COL4A1: variants seen among roughly 807,000 people sequenced by gnomAD.
The protein encoded by COL4A1 is collagen type IV alpha 1 chain.
In COL4A1, 40 loss-of-function variants were observed where a neutral mutation model predicts 216.6. The ratio of observed to expected loss-of-function variants is 0.18; its 90% CI spans 0.14 to 0.24. COL4A1 has a LOEUF of 0.24. Among genes scored for constraint, COL4A1 ranks in the 10% least tolerant of loss-of-function variants. The probability of loss-of-function intolerance (pLI) is 1.00; values close to 1 mark genes in which losing one functional copy is unlikely to be tolerated. For synonymous variants in COL4A1, 839 were observed against 810.7 expected, an observed-to-expected ratio of 1.03 and a Z score of -0.59; for missense variants, 1,628 against 2,196.8, an observed-to-expected ratio of 0.74 and a Z score of 5.18.
Position 110,176,985 on chromosome 13 carries a change from T to C in COL4A1, c.2769A>G (p.Lys923=). 3 of 1,614,100 alleles carry C rather than the reference T, an allele frequency of 1.9e-6. No homozygotes were observed. The highest frequency in any genetic ancestry group is 2.5e-6 in the Non-Finnish European group (3 of 1,180,018). ...SSGPRGDPGL[K]GDKGDVGLPG... ...GGAGACCGACATCCCCCTTATCACC[T>C]TTCAAGCCAGGGTCTCCCCTGGGTC... The change falls in exon 34 of 52, where the codon AAA becomes AAG. Residue 923 remains lysine (K), a synonymous_variant. Coordinates refer to ENST00000375820, the MANE Select transcript of COL4A1 (RefSeq NM_001845.6).
intron 1 of COL4A1, among the ~76,000 whole-genome samples, chr13:110,245,014 C>T (rs1176947863): frequency 4.6e-5 from 7 of 152,110 alleles, no homozygotes; most frequent in Admixed American, 3.9e-4. Context: ...TCTAAGCAAC[C>T]TTAAGTAACA....
intron 24 of COL4A1, among the ~76,000 whole-genome samples, chr13:110,187,848 A>C (rs761636344): frequency 3.9e-5 from 6 of 152,218 alleles, no homozygotes; most frequent in Non-Finnish European, 8.8e-5. Flanking sequence ...CCTCCTGGCC[A>C]GTGCTGAATA....
intron 1 of COL4A1, among the ~76,000 whole-genome samples, chr13:110,248,897 C>T (rs535535160): frequency 1.8e-4 from 28 of 152,240 alleles, no homozygotes; most frequent in Non-Finnish European, 2.1e-4. Context: ...ACACTTTTTT[C>T]GGATAGCGAA....
intron 2 of COL4A1, among the ~76,000 whole-genome samples, chr13:110,235,699 CAAG>C (rs1464253403): frequency 6.7e-6 from 1 of 149,304 alleles, no homozygotes; most frequent in Non-Finnish European, 1.5e-5. Flanking sequence ...GATAATCATA[CAAG>C]AAGGTAATTA....
rs557486949 is a variant in COL4A1, at chr13:110,200,179, C to T, written c.1120+675G>A. Among the ~76,000 whole-genome samples, 34 of 152,398 alleles carry T rather than the reference C, an allele frequency of 2.2e-4. No homozygotes were observed. In the South Asian group the frequency reaches 7.0e-3, roughly 32 times the overall value. ...AGGGCACGTGAGCGTTTCCATCAGA[C>T]GCTTATCGGGTCAGCTCTGGGACCT... On this transcript the variant is annotated intron_variant, in intron 20 of 51. Transcript: ENST00000375820.
intron 1 of COL4A1, among the ~76,000 whole-genome samples, chr13:110,273,612 G>C (rs184465921): frequency 7.2e-5 from 11 of 152,224 alleles, no homozygotes; most frequent in African/African-American, 2.6e-4. Context: ...ATTGTTTATG[G>C]CAACTGAATA....
intron 2 of COL4A1, among the ~76,000 whole-genome samples, chr13:110,219,540 G>C (rs911345155): frequency 6.6e-6 from 1 of 151,612 alleles, no homozygotes; most frequent in Non-Finnish European, 1.5e-5. Flanking sequence ...AATGTGTGCA[G>C]TGGCCCTCCA....
intron 1 of COL4A1, among the ~76,000 whole-genome samples, chr13:110,261,341 T>C (rs941677277): frequency 3.9e-5 from 6 of 152,176 alleles, no homozygotes; most frequent in African/African-American, 1.4e-4. Context: ...CAATTTTGGA[T>C]TCTCTCAAAA....
chr13:110,281,456 A>C (rs1204021128), intron 1 of COL4A1, among the ~76,000 whole-genome samples: 1 of 152,220 alleles, frequency 6.6e-6, no homozygotes. Flanking sequence ...AAAAACAGCC[A>C]GATCATTCAC....
Position 110,306,938 on chromosome 13 carries a change from A to G in COL4A1, c.84+6T>C, listed in dbSNP as rs1884755174. The G allele has an allele frequency of 6.8e-7, 1 of 1,469,754 alleles. No individual in the cohort carries two copies. The highest frequency in any genetic ancestry group is 9.0e-7 in the Non-Finnish European group (1 of 1,115,076). 91.0% of individuals were successfully genotyped at this position (1,469,754 alleles called of 1,614,324 possible). ...ACGCCGGGAGCGGAGCTGGCCGGGA[A>G]CTCACCTTCGCAGCGGCCCGGCTGT... On this transcript the variant is annotated splice_donor_region_variant and intron_variant, in intron 1 of 51. Transcript: ENST00000375820.
Position 110,205,383 on chromosome 13 carries a change from G to A in COL4A1, c.927C>T (p.Tyr309=), listed in dbSNP as rs376508424. ...GGCCCTGGCGGCCTATGAGTCCTGG[G>A]TACCCGGGTTCACCAGGAAAACCCT... The part of the protein sequence containing the change: ...GSPGFPGEPG[Y]PGLIGRQGPQ... The change falls in exon 17 of 52, where the codon TAC becomes TAT. Residue 309 remains tyrosine (Y), a synonymous_variant. Coordinates refer to ENST00000375820, the MANE Select transcript of COL4A1 (RefSeq NM_001845.6). The A allele has an allele frequency of 6.2e-7, 1 of 1,614,114 alleles. No homozygotes were observed. Among genetic ancestry groups the A allele is most frequent in the African/African-American group, 1.3e-5 (1 of 74,986 alleles).
At chr13:110,188,825 G>A (rs1055771038) in intron 24 of COL4A1, among the ~76,000 whole-genome samples, 6 of 152,110 alleles carry the variant, frequency 3.9e-5, no homozygotes, top group East Asian at 1.9e-4. Context: ...CTGAAACATC[G>A]CAGGCTAAGG....
chr13:110,257,149 C>T (rs1047388400), intron 1 of COL4A1, among the ~76,000 whole-genome samples: 3 of 152,220 alleles, frequency 2.0e-5, no homozygotes, highest in Non-Finnish European at 4.4e-5. Flanking sequence ...TTGAAAACAT[C>T]ACCTTCTAAG....
At chr13:110,179,868 G>C (rs1878067678) in intron 29 of COL4A1, among the ~76,000 whole-genome samples, 1 of 152,134 alleles carries the variant, frequency 6.6e-6, no homozygotes, top group Admixed American at 6.5e-5. Flanking sequence ...TAGTTTTTTG[G>C]ATTAATGAAG....
intron 1 of COL4A1, among the ~76,000 whole-genome samples, chr13:110,249,340 C>T (rs988407891): frequency 6.6e-6 from 1 of 151,880 alleles, no homozygotes; most frequent in Non-Finnish European, 1.5e-5. Flanking sequence ...CAATAAAATT[C>T]GAGAAAAAGG....
intron 32 of COL4A1, 55 bp from the exon 33 acceptor site, chr13:110,177,986 A>T: frequency 9.3e-6 from 15 of 1,613,986 alleles, no homozygotes; most frequent in Non-Finnish European, 1.2e-5. Context: ...GCTGACAGTA[A>T]ATGCTGAGTC....
intron 1 of COL4A1, among the ~76,000 whole-genome samples, chr13:110,276,587 T>C (rs574622003): frequency 3.8e-4 from 58 of 152,180 alleles, no homozygotes; most frequent in Non-Finnish European, 1.9e-4. Flanking sequence ...ATAATTAATT[T>C]CTCAGTATCA....
At chr13:110,192,080 G>A in intron 24 of COL4A1, 134 bp downstream of exon 24, 1 of 869,708 alleles carries the variant, frequency 1.1e-6, no homozygotes. Context: ...CACTCCAGAG[G>A]GCTCGACACA....
chr13:110,175,205 G>C lies in COL4A1; in HGVS notation c.3198+13C>G. On this transcript the variant is annotated intron_variant, in intron 37 of 51. Transcript: ENST00000375820. ...TGGGAGAAGGGGACCTTTCCACGCA[G>C]AGCGCTGGTTACCTTTTCACCTCGC... The C allele has an allele frequency of 6.2e-7, 1 of 1,614,192 alleles. No individual in the cohort carries two copies. The highest frequency in any genetic ancestry group is 8.5e-7 in the Non-Finnish European group (1 of 1,180,036).
Sources: allele counts gnomAD v4.1 joint callset (sites outside exome capture counted in the v4.1 genomes callset), GRCh38; gene constraint gnomAD v4.1.1; transcripts MANE v1.5; gene names NCBI Gene and HGNC (gene_info 2026-07-23, HGNC 2026-07-21).